STOX2: variants seen among roughly 807,000 people sequenced by gnomAD.
The protein encoded by STOX2 is storkhead box 2.
Under a neutral mutation model 60.9 loss-of-function variants are expected in STOX2, and 28 were observed. That is an observed-to-expected ratio of 0.46 (90% confidence interval 0.34 to 0.63). The LOEUF is 0.63. Among genes scored for constraint, STOX2 ranks in the 30% least tolerant of loss-of-function variants. STOX2 has a pLI of 0.01. For synonymous variants in STOX2, 472 were observed against 463.9 expected (o/e 1.02, Z -0.22); for missense variants, 1,024 against 1,187.7 (o/e 0.86, Z 2.03).
chr4:183,845,902 C>T (rs1335406185), intron 1 of STOX2, among the ~76,000 whole-genome samples: 2 of 152,132 alleles, frequency 1.3e-5, no homozygotes, highest in African/African-American at 2.4e-5. Context: ...ATAATATGTA[C>T]TTAACAGTGT....
At chr4:183,830,223 T>C (rs17075067) in intron 1 of STOX2, among the ~76,000 whole-genome samples, 3,090 of 152,322 alleles carry the variant, frequency 0.02, 118 homozygotes, top group African/African-American at 0.07. Context: ...TCTGCTAACC[T>C]GCTTTCCTTG....
rs946829638 is a variant in STOX2 at position 184,010,131 on chromosome 4, G to A, written c.1293G>A (p.Glu431=). 3.2e-6 allele frequency: 5 copies of A among 1,574,648 alleles called. No individual in the cohort carries two copies. The African/African-American group carries it at 5.4e-5, about 17-fold the overall frequency. ...TGCACAGCAACACAAACGTGCTCGA[G>A]TCCCACTTCCCCATGACACCAGAAT... ...FIMHSNTNVL[E]SHFPMTPEWD... The change falls in exon 3 of 4, where the codon GAG becomes GAA. Residue 431 remains glutamate, a synonymous_variant. Coordinates refer to ENST00000308497, the MANE Select transcript of STOX2 (RefSeq NM_020225.3). This position sits in a 1 kb window ranked among gnomAD's most constrained non-coding sequence, Gnocchi z 4.5.
At chr4:183,828,628 C>T (rs185333193) in intron 1 of STOX2, among the ~76,000 whole-genome samples, 2 of 152,144 alleles carry the variant, frequency 1.3e-5, no homozygotes, top group Admixed American at 6.5e-5. Context: ...CCAGAGGCGA[C>T]AGATTTAAGT....
At chr4:183,883,406 G>A (rs562927101) in intron 1 of STOX2, among the ~76,000 whole-genome samples, 3 of 150,166 alleles carry the variant, frequency 2.0e-5, no homozygotes. Flanking sequence ...TGCAAGCTCC[G>A]CCTCCCAGGT....
intron 1 of STOX2, 27 bp downstream of exon 1, chr4:183,906,983 C>T (rs750236853): frequency 1.3e-6 from 2 of 1,504,984 alleles, no homozygotes; most frequent in African/African-American, 2.8e-5. Flanking sequence ...GTTTCTGCCC[C>T]CGGGCCGGGG....
In STOX2 at chr4:184,001,256, G is replaced by A. The variant is rs962227404; in HGVS notation, c.167-69G>A. On this transcript the variant is annotated intron_variant, in intron 1 of 3. Coordinates refer to ENST00000308497, the MANE Select transcript of STOX2 (RefSeq NM_020225.3). The surrounding 1 kb of genome is among the most constrained non-coding windows in gnomAD (Gnocchi z 4.2). ...TCAGACCAGGGCCAGATGGACGCGT[G>A]AAGGCGTGTGTCTGACAGATGACCG... is the stretch of plus-strand genomic sequence containing the variant. 2.0e-6 allele frequency: 3 copies of A among 1,511,660 alleles called. No individual in the cohort carries two copies. Among genetic ancestry groups the A allele is most frequent in the African/African-American group, 2.7e-5 (2 of 73,140 alleles). The allele number at this position is 1,511,660 out of a possible 1,614,324, so 93.6% of individuals were successfully genotyped here. A position where few individuals can be genotyped will look rare whatever the true frequency, so the allele number is the denominator to read the frequency against.
At position 183,992,847 on chromosome 4, in the gene STOX2, GA is replaced by G. The variant is rs1169767883; in HGVS notation, c.167-8475del. 2.0e-5 allele frequency among the ~76,000 whole-genome samples: 3 copies of G among 152,342 alleles called. No homozygotes were observed. The East Asian group carries it at 5.8e-4, about 29-fold the overall frequency. ...ACAAGCATTTGAGGACCTGCCGTGT[GA>G]AAGCATTCGGCTAGGTTTTATTCCA... On this transcript the variant is annotated intron_variant, in intron 1 of 3. Coordinates refer to ENST00000308497, the MANE Select transcript of STOX2 (RefSeq NM_020225.3).
At chr4:183,878,087 T>G (rs1740874025) in intron 1 of STOX2, among the ~76,000 whole-genome samples, 3 of 152,222 alleles carry the variant, frequency 2.0e-5, no homozygotes, top group Admixed American at 1.3e-4. Flanking sequence ...GAAACTGAGT[T>G]GCAGAAAGCT....
At chr4:183,891,361 T>TAC (rs1278133006) in intron 1 of STOX2, among the ~76,000 whole-genome samples, 8 of 1,328 alleles carry the variant, frequency 6.0e-3, no homozygotes, top group Non-Finnish European at 0.013. Context: ...ATGGAATTTA[T>TAC]ATATATATAT....
chr4:183,847,099 T>G (rs964011046), intron 1 of STOX2, among the ~76,000 whole-genome samples: 3 of 152,210 alleles, frequency 2.0e-5, no homozygotes, highest in Admixed American at 1.3e-4. Flanking sequence ...CAGTGTGCTG[T>G]GTGTATTAGG....
intron 2 of STOX2, among the ~76,000 whole-genome samples, chr4:184,008,223 A>G (rs1733960980): frequency 6.6e-6 from 1 of 152,244 alleles, no homozygotes. Flanking sequence ...AGAATACCCA[A>G]GAAATGAAGT....
Position 184,011,329 on chromosome 4 carries a change from G to A in STOX2, c.2491G>A (p.Asp831Asn), listed in dbSNP as rs1002726140. 50 of 1,613,854 alleles carry A rather than the reference G, an allele frequency of 3.1e-5. No homozygotes were observed. The highest frequency in any genetic ancestry group is 1.6e-4 in the Middle Eastern group (1 of 6,084). Residue 831 changes from aspartate to asparagine, a missense_variant, in exon 3 of 4, where the codon GAC becomes AAC. Around this residue, in one of 3 missense-constraint regions of STOX2, gnomAD observed 922 missense variants for 1,058.3 expected, o/e 0.87. Transcript: ENST00000308497. This position sits in a 1 kb window ranked among gnomAD's most constrained non-coding sequence, Gnocchi z 4.4. ...CACCCTTCTTGCTCCAAAAGAAACC[G>A]ACAGCAGCAGCAACCAGAGAGCCAC... ...NLTLLAPKET[D>N]SSSNQRATHS...
chr4:183,925,488 C>G (rs1184314576), intron 1 of STOX2, among the ~76,000 whole-genome samples: 1 of 152,090 alleles, frequency 6.6e-6, no homozygotes, highest in African/African-American at 2.4e-5. Context: ...CGGCCCCTCC[C>G]CCGGCACACT....
At chr4:183,811,662 C>G (rs1384844303) in intron 1 of STOX2, among the ~76,000 whole-genome samples, 1 of 152,212 alleles carries the variant, frequency 6.6e-6, no homozygotes, top group East Asian at 1.9e-4. Flanking sequence ...GACAGATTCA[C>G]ATGGAAATTG....
chr4:183,997,377 G>A (rs1031110665), intron 1 of STOX2, among the ~76,000 whole-genome samples: 3 of 152,344 alleles, frequency 2.0e-5, no homozygotes, highest in Non-Finnish European at 4.4e-5. Flanking sequence ...AAGGATGGAG[G>A]TGGGAGTGGT....
intron 1 of STOX2, among the ~76,000 whole-genome samples, chr4:183,890,108 T>C (rs1277075337): frequency 6.6e-6 from 1 of 152,164 alleles, no homozygotes; most frequent in African/African-American, 2.4e-5. Context: ...GCGCATACCA[T>C]TAAGCTAGCA....
At chr4:183,939,168 C>T (rs1742679756) in intron 1 of STOX2, among the ~76,000 whole-genome samples, 1 of 152,226 alleles carries the variant, frequency 6.6e-6, no homozygotes, top group Admixed American at 6.5e-5. Flanking sequence ...TTCCCTACGG[C>T]TGCCATAGCA....
intron 1 of STOX2, among the ~76,000 whole-genome samples, chr4:183,811,586 T>A (rs1739034956): frequency 6.6e-6 from 1 of 152,182 alleles, no homozygotes; most frequent in Non-Finnish European, 1.5e-5. Flanking sequence ...AAGAAGTAAA[T>A]AAAAGCAGGA....
intron 1 of STOX2, among the ~76,000 whole-genome samples, chr4:183,871,074 C>T (rs771073446): frequency 1.4e-4 from 22 of 152,150 alleles, no homozygotes; most frequent in African/African-American, 1.9e-4. Context: ...TTAACTAATA[C>T]GAGACTGCAG....
Sources: allele counts gnomAD v4.1 joint callset (sites outside exome capture counted in the v4.1 genomes callset), GRCh38; gene constraint gnomAD v4.1.1; regional missense constraint gnomAD v4.1.1; non-coding constraint Gnocchi (gnomAD v3.1); transcripts MANE v1.5; gene names NCBI Gene and HGNC (gene_info 2026-07-23, HGNC 2026-07-21).